ASIC2: variants seen among roughly 807,000 people sequenced by gnomAD.
ASIC2 encodes the protein acid-sensing ion channel 2.
Under a neutral mutation model 57.3 loss-of-function variants are expected in ASIC2, and 25 were observed. The observed-to-expected ratio is 0.44, with a 90% CI of 0.32 to 0.61. ASIC2 has a LOEUF of 0.61. Among genes scored for constraint, ASIC2 ranks in the 20% least tolerant of loss-of-function variants. The pLI, the probability that ASIC2 is intolerant of heterozygous loss-of-function variation, is 0.06. For missense variants in ASIC2, 641 were observed against 738.1 expected (o/e 0.87, Z 1.52); for synonymous variants, 319 against 307.5 (o/e 1.04, Z -0.39).
intron 1 of ASIC2, among the ~76,000 whole-genome samples, chr17:33,970,393 A>C (rs182356393): frequency 4.5e-4 from 68 of 152,298 alleles, no homozygotes; most frequent in African/African-American, 1.6e-3. Context: ...GCCTAGTGGG[A>C]TGCTGCACTT....
At chr17:33,129,588 G>A (rs2092337196) in intron 1 of ASIC2, among the ~76,000 whole-genome samples, 1 of 152,206 alleles carries the variant, frequency 6.6e-6, no homozygotes, top group Non-Finnish European at 1.5e-5. Context: ...ATAATGGTGT[G>A]GGTTACAAAG....
chr17:33,260,666 C>T (rs555469291), intron 1 of ASIC2, among the ~76,000 whole-genome samples: 4 of 152,286 alleles, frequency 2.6e-5, no homozygotes, highest in Admixed American at 1.3e-4. Context: ...ATGCCATGCC[C>T]GGCTGAACCC....
At chr17:33,689,352 G>A (rs554746164) in intron 1 of ASIC2, among the ~76,000 whole-genome samples, 4 of 152,212 alleles carry the variant, frequency 2.6e-5, no homozygotes, top group East Asian at 1.9e-4. Context: ...TTACTGGCAC[G>A]GGCCACAGCA....
At chr17:33,607,385 C>T (rs1333405603) in intron 1 of ASIC2, among the ~76,000 whole-genome samples, 1 of 152,116 alleles carries the variant, frequency 6.6e-6, no homozygotes, top group Non-Finnish European at 1.5e-5. Flanking sequence ...GCTCTGGGCT[C>T]ACTACTCTGG....
intron 1 of ASIC2, among the ~76,000 whole-genome samples, chr17:34,066,513 G>A (rs1229050145): frequency 6.6e-6 from 1 of 152,184 alleles, no homozygotes; most frequent in African/African-American, 2.4e-5. Context: ...TGTGGACGAG[G>A]TCATCACTGA....
rs912796973 is a variant in ASIC2, at chr17:33,455,086, A to G, written c.556-343019T>C. On this transcript the variant is annotated intron_variant, in intron 1 of 9. Transcript: ENST00000359872. Reference sequence around the variant, plus strand: ...TCTAACTCATAAGCCCTCTTTGGAGAGGAGGCTTTTGTTGTATACAGGTAT... The same window carrying G: ...TCTAACTCATAAGCCCTCTTTGGAGGGGAGGCTTTTGTTGTATACAGGTAT... Among the ~76,000 whole-genome samples, 4 of 152,302 alleles carry G rather than the reference A, an allele frequency of 2.6e-5. No homozygotes were observed. The East Asian group carries it at 7.7e-4, about 29-fold the overall frequency.
At chr17:33,218,958 G>A (rs1042689868) in intron 1 of ASIC2, among the ~76,000 whole-genome samples, 2 of 152,126 alleles carry the variant, frequency 1.3e-5, no homozygotes, top group Non-Finnish European at 2.9e-5. Flanking sequence ...TGGGCTGGGC[G>A]AATTATTTTT....
chr17:33,085,215 A>G (rs1009272467), intron 3 of ASIC2, among the ~76,000 whole-genome samples: 2 of 152,314 alleles, frequency 1.3e-5, no homozygotes, highest in African/African-American at 4.8e-5. Flanking sequence ...CTTTGAGCCA[A>G]AGCAGCAGAA....
intron 1 of ASIC2, among the ~76,000 whole-genome samples, chr17:33,926,742 C>T (rs371789482): frequency 6.6e-6 from 1 of 152,208 alleles, no homozygotes; most frequent in East Asian, 1.9e-4. Flanking sequence ...AACCGAGCAG[C>T]ACAGTAGCAT....
At chr17:33,545,969 C>T (rs1375210988) in intron 1 of ASIC2, among the ~76,000 whole-genome samples, 1 of 152,112 alleles carries the variant, frequency 6.6e-6, no homozygotes, top group African/African-American at 2.4e-5. Context: ...CTTTTCCATT[C>T]TGGAATTCTG....
At position 33,239,736 on chromosome 17, in the gene ASIC2, C is replaced by T. The variant is rs542072619; in HGVS notation, c.708+51672G>A. Among the ~76,000 whole-genome samples, 3 of 152,286 alleles carry T rather than the reference C, an allele frequency of 2.0e-5. No individual in the cohort carries two copies. In the East Asian group the frequency reaches 5.8e-4, roughly 29 times the overall value. On this transcript the variant is annotated intron_variant, in intron 1 of 9. Transcript: ENST00000225823. ...AGGTTTGCTGAGATCTGGGGAGAGC[C>T]ATAGAGACATTTGCAAACCATCCCA...
intron 2 of ASIC2, among the ~76,000 whole-genome samples, chr17:33,092,006 T>A (rs2092159532): frequency 2.0e-5 from 3 of 152,148 alleles, no homozygotes; most frequent in Admixed American, 6.5e-5. Context: ...TTCTAGAATA[T>A]CCAGCTATGA....
intron 1 of ASIC2, among the ~76,000 whole-genome samples, chr17:33,616,305 C>G (rs1905602109): frequency 6.6e-6 from 1 of 152,150 alleles, no homozygotes; most frequent in African/African-American, 2.4e-5. Context: ...CAAGACAGAG[C>G]ACCTGACACA....
intron 1 of ASIC2, among the ~76,000 whole-genome samples, chr17:34,133,209 T>G (rs1037288898): frequency 1.3e-5 from 2 of 152,186 alleles, no homozygotes; most frequent in Non-Finnish European, 2.9e-5. Context: ...TTAGAAGCAA[T>G]GAAAGGGTAT....
At chr17:33,934,334 C>G (rs1916011934) in intron 1 of ASIC2, among the ~76,000 whole-genome samples, 1 of 152,206 alleles carries the variant, frequency 6.6e-6, no homozygotes. Flanking sequence ...CTTCCAAACT[C>G]AAACTTGCAT....
intron 1 of ASIC2, among the ~76,000 whole-genome samples, chr17:33,328,527 C>T (rs1037987863): frequency 1.3e-5 from 2 of 152,076 alleles, no homozygotes; most frequent in African/African-American, 2.4e-5. Flanking sequence ...TCCCCCATCA[C>T]CTGTAATCTA....
chr17:33,243,650 G>A (rs1023020066), intron 1 of ASIC2, among the ~76,000 whole-genome samples: 9 of 152,242 alleles, frequency 5.9e-5, no homozygotes, highest in South Asian at 2.1e-4. Context: ...CGATCCCTCC[G>A]GGAAGATTTA....
intron 1 of ASIC2, among the ~76,000 whole-genome samples, chr17:33,374,832 C>G (rs889502616): frequency 1.3e-5 from 2 of 152,072 alleles, no homozygotes; most frequent in Non-Finnish European, 2.9e-5. Context: ...TGGTTAAGTA[C>G]CTTCTATATG....
chr17:33,791,607 C>G (rs1159104692), intron 1 of ASIC2, among the ~76,000 whole-genome samples: 1 of 152,110 alleles, frequency 6.6e-6, no homozygotes, highest in African/African-American at 2.4e-5. Flanking sequence ...TATATAACAA[C>G]ATAGTTACTG....
Sources: allele counts gnomAD v4.1 joint callset (sites outside exome capture counted in the v4.1 genomes callset), GRCh38; gene constraint gnomAD v4.1.1; transcripts MANE v1.5; gene names NCBI Gene and HGNC (gene_info 2026-07-23, HGNC 2026-07-21).